The following CTNNA2 variants were observed in gnomAD, a reference collection of about 807,000 sequenced individuals.
CTNNA2 encodes catenin alpha-2.
A neutral mutation model predicts 101.0 loss-of-function variants in CTNNA2; 42 were observed. That is an observed-to-expected ratio of 0.42 (90% CI 0.32 to 0.54). The LOEUF is 0.54. Among genes scored for constraint, CTNNA2 ranks in the 20% least tolerant of loss-of-function variants. The probability of loss-of-function intolerance (pLI) is 0.14; values close to 1 mark genes in which losing one functional copy is unlikely to be tolerated. For missense variants in CTNNA2, 871 were observed against 1,223.1 expected (o/e 0.71, Z 4.29); for synonymous variants, 450 against 456.4 (o/e 0.99, Z 0.18).
intron 3 of CTNNA2, among the ~76,000 whole-genome samples, chr2:79,766,234 G>A (rs1488111696): frequency 1.3e-5 from 2 of 152,134 alleles, no homozygotes; most frequent in Non-Finnish European, 2.9e-5. Flanking sequence ...CGGTCCGTGA[G>A]CTTTTGTCTG....
chr2:80,293,370 G>A (rs1019336516), intron 7 of CTNNA2, among the ~76,000 whole-genome samples: 1 of 152,198 alleles, frequency 6.6e-6, no homozygotes, highest in African/African-American at 2.4e-5. Context: ...AATATTGAGA[G>A]TTCTTCACTG....
intron 3 of CTNNA2, among the ~76,000 whole-genome samples, chr2:79,857,161 C>A (rs1008366543): frequency 2.0e-5 from 3 of 152,188 alleles, no homozygotes; most frequent in African/African-American, 7.2e-5. Flanking sequence ...ATCCCCTCCC[C>A]ACCTTTGTTT....
Position 79,874,353 on chromosome 2 carries a change from T to C in CTNNA2, c.852+11T>C. On this transcript the variant is annotated intron_variant, in intron 6 of 18. Coordinates refer to ENST00000402739, the MANE Select transcript of CTNNA2 (RefSeq NM_001282597.3). ...CTTAATGAGTTTGACGTAAGCATCC[T>C]GGTGAGGTACACAGAGGGGTGGGCA... 1 of 1,612,428 alleles carries C rather than the reference T, an allele frequency of 6.2e-7. No homozygotes were observed. Among genetic ancestry groups the C allele is most frequent in the Non-Finnish European group, 8.5e-7 (1 of 1,179,472 alleles).
rs140984472 is a variant in CTNNA2 at position 79,860,801 on chromosome 2, C to A, written c.465+2622C>A. ...CTCTCATGAACTATTGCCCCTACCC[C>A]CTAAAAGACAATACGTCAATAATTC... On this transcript the variant is annotated intron_variant, in intron 4 of 18. Transcript: ENST00000402739. Among the ~76,000 whole-genome samples, 262 of 152,126 alleles carry A rather than the reference C, an allele frequency of 1.7e-3. 9 individuals are homozygous for A. The East Asian group carries it at 0.044, about 26-fold the overall frequency.
intron 3 of CTNNA2, among the ~76,000 whole-genome samples, chr2:79,840,764 C>A (rs1334478687): frequency 3.6e-5 from 2 of 55,400 alleles, no homozygotes; most frequent in South Asian, 2.2e-3. Context: ...GAGACTACCT[C>A]TCTTTTTTTT....
Position 79,532,401 on chromosome 2 carries a change from TTTATA to T in CTNNA2, c.-6+19200_-6+19204del, listed in dbSNP as rs1040740767. On this transcript the variant is annotated intron_variant, in intron 1 of 18. Transcript: ENST00000402739. ...ATTTCCTTCTAGCCTATGTTCCAAA[TTTATA>T]TTATAATTGTGCTATTTTGCTATAG... Among the ~76,000 whole-genome samples the T allele has an allele frequency of 5.9e-5, 9 of 152,270 alleles. No homozygotes were observed. In the East Asian group the frequency reaches 9.7e-4, roughly 16 times the overall value.
chr2:80,478,232 A>G (rs1003630801), intron 9 of CTNNA2, among the ~76,000 whole-genome samples: 1 of 152,040 alleles, frequency 6.6e-6, no homozygotes, highest in Non-Finnish European at 1.5e-5. Context: ...CACATTTTAA[A>G]TGGGATTATT....
chr2:80,248,366 T>C (rs1450139407), intron 7 of CTNNA2, among the ~76,000 whole-genome samples: 1 of 152,166 alleles, frequency 6.6e-6, no homozygotes, highest in East Asian at 1.9e-4. Context: ...CCAGAGGAAA[T>C]TAAGAACTGT....
chr2:79,273,619 T>G (rs1216173243), intron 2 of CTNNA2, among the ~76,000 whole-genome samples: 2 of 152,106 alleles, frequency 1.3e-5, no homozygotes, highest in African/African-American at 4.8e-5. Context: ...AAGATTCACT[T>G]GATGATTCTG....
chr2:80,173,285 G>A (rs1254953902), intron 7 of CTNNA2, among the ~76,000 whole-genome samples: 1 of 152,094 alleles, frequency 6.6e-6, no homozygotes, highest in African/African-American at 2.4e-5. Flanking sequence ...TATTGGATGA[G>A]TGAAAAAAGT....
intron 1 of CTNNA2, among the ~76,000 whole-genome samples, chr2:79,515,454 G>A (rs1279293448): frequency 6.6e-6 from 1 of 152,190 alleles, no homozygotes; most frequent in Non-Finnish European, 1.5e-5. Flanking sequence ...CCCTCTATGG[G>A]CTTTGCTCTT....
intron 7 of CTNNA2, among the ~76,000 whole-genome samples, chr2:79,927,428 A>G (rs1362821719): frequency 6.6e-6 from 1 of 152,134 alleles, no homozygotes; most frequent in Non-Finnish European, 1.5e-5. Flanking sequence ...CAGATGGAAG[A>G]CAATGGAGTC....
At chr2:79,568,974 C>T (rs1675296930) in intron 1 of CTNNA2, among the ~76,000 whole-genome samples, 1 of 151,252 alleles carries the variant, frequency 6.6e-6, no homozygotes, top group African/African-American at 2.4e-5. Flanking sequence ...GTAAAGGTTG[C>T]AGTGAGGTGA....
intron 3 of CTNNA2, among the ~76,000 whole-genome samples, chr2:79,791,209 G>T (rs763176669): frequency 2.6e-5 from 4 of 152,104 alleles, no homozygotes; most frequent in Non-Finnish European, 5.9e-5. Context: ...CTGTTCAATG[G>T]TTGTCACTGA....
chr2:79,467,051 A>G (rs1670945348), intron 4 of CTNNA2, among the ~76,000 whole-genome samples: 1 of 152,234 alleles, frequency 6.6e-6, no homozygotes, highest in Non-Finnish European at 1.5e-5. Context: ...AGTTGAGAGA[A>G]GAAGGCTTCA....
intron 7 of CTNNA2, among the ~76,000 whole-genome samples, chr2:80,388,762 C>T (rs1388875111): frequency 1.3e-5 from 2 of 152,236 alleles, no homozygotes; most frequent in African/African-American, 2.4e-5. Flanking sequence ...TAAATACTTA[C>T]ATCTGCTTTC....
chr2:80,516,013 T>C (rs921198396), intron 9 of CTNNA2, among the ~76,000 whole-genome samples: 5 of 152,192 alleles, frequency 3.3e-5, no homozygotes, highest in African/African-American at 1.2e-4. Context: ...TCTCTCTCTT[T>C]CTCTACTCCT....
chr2:80,373,022 C>A (rs1675597750), intron 7 of CTNNA2, among the ~76,000 whole-genome samples: 1 of 152,178 alleles, frequency 6.6e-6, no homozygotes, highest in Non-Finnish European at 1.5e-5. Flanking sequence ...AGACTACAAG[C>A]TTTAGACGGT....
intron 7 of CTNNA2, among the ~76,000 whole-genome samples, chr2:80,153,707 A>G (rs1388534024): frequency 6.6e-6 from 1 of 152,212 alleles, no homozygotes; most frequent in East Asian, 1.9e-4. Context: ...TGATATAGCT[A>G]ATTAAAACAA....
Sources: gnomAD v4.1 joint callset for allele counts (sites outside exome capture counted in the v4.1 genomes callset) on GRCh38, gnomAD v4.1.1 for gene constraint, MANE v1.5 for transcripts, NCBI Gene and HGNC (gene_info 2026-07-23, HGNC 2026-07-21) for gene names.